Variants in TTLL7 observed in about 807,000 individuals in gnomAD.
TTLL7 encodes the protein tubulin polyglutamylase TTLL7.
TTLL7 carries 53 observed loss-of-function variants against 120.2 expected under a neutral mutation model. That is an observed-to-expected ratio of 0.44 (90% CI 0.35 to 0.55). The LOEUF is 0.55. TTLL7 is among the 20% of genes least tolerant of loss of function. TTLL7 has a pLI of 0.00. For synonymous variants in TTLL7, 353 were observed against 351.7 expected (o/e 1.00, Z -0.04); for missense variants, 803 against 1,054.7 (o/e 0.76, Z 3.31).
intron 18 of TTLL7, among the ~76,000 whole-genome samples, chr1:83,900,885 ATG>A (rs1221550159): frequency 1.3e-5 from 2 of 151,996 alleles, no homozygotes; most frequent in Admixed American, 1.3e-4. Context: ...ACTGGATATT[ATG>A]TGTCTTACTA....
chr1:83,980,694 G>T (rs953282322), intron 1 of TTLL7: 1 of 152,052 alleles, frequency 6.6e-6, no homozygotes. Context: ...AGAAAGGAAA[G>T]AATAATAACA....
At chr1:83,971,086 A>G (rs1650930521) in intron 1 of TTLL7, among the ~76,000 whole-genome samples, 1 of 152,102 alleles carries the variant, frequency 6.6e-6, no homozygotes, top group Non-Finnish European at 1.5e-5. Flanking sequence ...GAAAGCCTTC[A>G]AGCAAAGAAA....
chr1:83,904,209 T>A, intron 17 of TTLL7, 50 bp from the exon 18 acceptor site: 1 of 1,409,374 alleles, frequency 7.1e-7, no homozygotes, highest in Non-Finnish European at 9.9e-7. Context: ...AACCCATTTT[T>A]TAAATTAATT....
chr1:83,919,259 A>AGTGTGT (rs111745254), intron 13 of TTLL7, among the ~76,000 whole-genome samples: 13,382 of 146,940 alleles, frequency 0.091, 768 homozygotes, highest in East Asian at 0.28. Flanking sequence ...TACAGATTAG[A>AGTGTGT]GTGTGTGTGT....
At chr1:83,968,384 G>A (rs1181315614) in intron 1 of TTLL7, among the ~76,000 whole-genome samples, 2 of 151,320 alleles carry the variant, frequency 1.3e-5, no homozygotes, top group Non-Finnish European at 3.0e-5. Context: ...CTGTACAATG[G>A]GAAACAAAGG....
chr1:83,900,849 G>C (rs183198670), intron 18 of TTLL7, among the ~76,000 whole-genome samples: 3 of 152,004 alleles, frequency 2.0e-5, no homozygotes, highest in African/African-American at 7.2e-5. Context: ...CATAGCAAAG[G>C]CCCTTTTACC....
intron 1 of TTLL7, among the ~76,000 whole-genome samples, chr1:83,956,139 T>G (rs977632590): frequency 1.3e-5 from 2 of 152,158 alleles, no homozygotes; most frequent in Non-Finnish European, 2.9e-5. Context: ...TATTCATTTA[T>G]ATTGTTTTTT....
intron 20 of TTLL7, among the ~76,000 whole-genome samples, chr1:83,872,954 C>G (rs1653572500): frequency 6.6e-6 from 1 of 152,140 alleles, no homozygotes; most frequent in South Asian, 2.1e-4. Flanking sequence ...GGATTCAAAT[C>G]CATACAGGCT....
chr1:83,990,426 C>T (rs1026501378), intron 1 of TTLL7, among the ~76,000 whole-genome samples: 5 of 152,136 alleles, frequency 3.3e-5, no homozygotes, highest in Non-Finnish European at 1.5e-5. Context: ...CCACCCGCCT[C>T]GGCCTCCCAA....
rs199773696 is a variant in TTLL7, at chr1:83,890,406, T to C, written c.2284A>G (p.Asn762Asp). ...ACCCGGTTGAAAATCCGATATAAATTTACTTCTTCAACATCAGGCACCTTC... is the reference window on the plus strand; with the variant it reads ...ACCCGGTTGAAAATCCGATATAAATCTACTTCTTCAACATCAGGCACCTTC... Reference protein sequence around the residue: ...IWKVPDVEEVNLYRIFNRVFN... With the variant: ...IWKVPDVEEVDLYRIFNRVFN... Residue 762 changes from asparagine to aspartate, a missense_variant, in exon 19 of 21, where the codon AAT becomes GAT. Asn to Asp is a conservative substitution (Grantham distance 23). Around this residue, in one of 3 missense-constraint regions of TTLL7, gnomAD observed 388 missense variants for 450.4 expected, o/e 0.86. Transcript: ENST00000260505. 2 of 1,613,218 alleles carry C rather than the reference T, an allele frequency of 1.2e-6. No homozygotes were observed. The highest frequency in any genetic ancestry group is 1.7e-5 in the Admixed American group (1 of 59,912).
At chr1:83,920,538 G>A (rs1055663851) in intron 12 of TTLL7, 4 of 143,976 alleles carry the variant, frequency 2.8e-5, no homozygotes, top group Admixed American at 2.2e-4. Context: ...GTGCAAGAAC[G>A]CCCTCACACA....
chr1:83,964,963 A>G (rs896022923), intron 1 of TTLL7, among the ~76,000 whole-genome samples: 2 of 151,916 alleles, frequency 1.3e-5, no homozygotes, highest in African/African-American at 2.4e-5. Flanking sequence ...GTCTTACTAG[A>G]AAAAAAATGT....
chr1:83,914,757 A>T (rs1657997515), intron 14 of TTLL7, among the ~76,000 whole-genome samples: 3 of 151,254 alleles, frequency 2.0e-5, no homozygotes, highest in Admixed American at 2.0e-4. Context: ...AGCACTTTAC[A>T]CTCCCTTTAT....
intron 6 of TTLL7, among the ~76,000 whole-genome samples, chr1:83,945,495 C>T (rs1648399638): frequency 6.6e-6 from 1 of 152,124 alleles, no homozygotes; most frequent in Non-Finnish European, 1.5e-5. Flanking sequence ...GGGAGAAATA[C>T]TTCAACAATA....
chr1:83,882,223 A>C (rs557574926), intron 20 of TTLL7, among the ~76,000 whole-genome samples: 65 of 151,126 alleles, frequency 4.3e-4, no homozygotes, highest in African/African-American at 1.5e-3. Context: ...ATTTACCCTA[A>C]AACTTAAAGT....
At chr1:83,959,832 G>C (rs1035403076) in intron 1 of TTLL7, among the ~76,000 whole-genome samples, 2 of 152,022 alleles carry the variant, frequency 1.3e-5, no homozygotes, top group African/African-American at 4.8e-5. Flanking sequence ...AGTGATACAT[G>C]CTGCATCACA....
At position 83,919,259 on chromosome 1, in the gene TTLL7, A is replaced by AGCGT. The variant is rs1296153094; in HGVS notation, c.1500+439_1500+440insACGC. 2.7e-5 allele frequency among the ~76,000 whole-genome samples: 4 copies of AGCGT among 146,948 alleles called. No individual in the cohort carries two copies. In the South Asian group the frequency reaches 8.7e-4, roughly 32 times the overall value. ...CCTTTTACTATGGTGTACAGATTAG[A>AGCGT]GTGTGTGTGTGTGTGTGTGTGTGTG... On this transcript the variant is annotated intron_variant, in intron 13 of 20. Transcript: ENST00000260505.
intron 1 of TTLL7, among the ~76,000 whole-genome samples, chr1:83,986,266 T>C (rs925220624): frequency 9.2e-5 from 14 of 152,250 alleles, no homozygotes; most frequent in Non-Finnish European, 1.5e-4. Flanking sequence ...AAGTATGTGC[T>C]GTCATGACAA....
At chr1:83,979,145 G>A (rs1210776863) in intron 1 of TTLL7, 1 of 152,182 alleles carries the variant, frequency 6.6e-6, no homozygotes, top group East Asian at 1.9e-4. Flanking sequence ...TAATTAACGG[G>A]AGGCCAGCCA....
Sources: gnomAD v4.1 joint callset for allele counts (sites outside exome capture counted in the v4.1 genomes callset) on GRCh38, gnomAD v4.1.1 for gene constraint, gnomAD v4.1.1 regional missense constraint, MANE v1.5 for transcripts, NCBI Gene and HGNC (gene_info 2026-07-23, HGNC 2026-07-21) for gene names.